The following PITPNC1 variants were observed in gnomAD, a reference collection of about 807,000 sequenced individuals.
PITPNC1 encodes phosphatidylinositol transfer protein cytoplasmic 1.
In PITPNC1, 18 loss-of-function variants were observed where a neutral mutation model predicts 44.7. That is an observed-to-expected ratio of 0.40 (90% CI 0.28 to 0.60). PITPNC1 has a LOEUF of 0.60. Among genes scored for constraint, PITPNC1 ranks in the 20% least tolerant of loss-of-function variants. The probability of loss-of-function intolerance (pLI) is 0.39; values close to 1 mark genes in which losing one functional copy is unlikely to be tolerated. For missense variants in PITPNC1, 290 were observed against 418.4 expected, an observed-to-expected ratio of 0.69 and a Z score of 2.68; for synonymous variants, 141 against 149.6, an observed-to-expected ratio of 0.94 and a Z score of 0.42.
At chr17:67,605,204 A>G (rs2041593423) in intron 5 of PITPNC1, among the ~76,000 whole-genome samples, 1 of 152,188 alleles carries the variant, frequency 6.6e-6, no homozygotes, top group Admixed American at 6.5e-5. Context: ...ATGTCTGAAT[A>G]ATTTATTTTT....
At chr17:67,400,394 A>G in intron 1 of PITPNC1, among the ~76,000 whole-genome samples, 1 of 152,254 alleles carries the variant, frequency 6.6e-6, no homozygotes, top group East Asian at 1.9e-4. Context: ...ATAGGCCAAA[A>G]TAACAGCCTA....
intron 1 of PITPNC1, among the ~76,000 whole-genome samples, chr17:67,383,725 T>A (rs1366694651): frequency 6.6e-6 from 1 of 152,200 alleles, no homozygotes; most frequent in South Asian, 2.1e-4. Flanking sequence ...ATCCTTTTGT[T>A]TTCATTGCTT....
intron 1 of PITPNC1, among the ~76,000 whole-genome samples, chr17:67,497,751 C>T (rs1277856172): frequency 1.3e-5 from 2 of 151,968 alleles, no homozygotes; most frequent in African/African-American, 2.4e-5. Context: ...TGGTCTTGAA[C>T]TCCTGCACTC....
intron 1 of PITPNC1, among the ~76,000 whole-genome samples, chr17:67,437,275 C>T (rs575476985): frequency 6.6e-6 from 1 of 151,998 alleles, no homozygotes; most frequent in South Asian, 2.1e-4. Flanking sequence ...GAAATAATCC[C>T]GAAATTAGAG....
intron 8 of PITPNC1, among the ~76,000 whole-genome samples, chr17:67,679,243 C>T (rs1361238655): frequency 6.6e-6 from 1 of 152,200 alleles, no homozygotes; most frequent in Non-Finnish European, 1.5e-5. Context: ...ATAGAGCGAG[C>T]CTTTGTCTCT....
At position 67,694,377 on chromosome 17, in the gene PITPNC1, AAC is replaced by A. The variant is rs1228844377; in HGVS notation, c.*1493_*1494del. The A allele has an allele frequency of 6.6e-6, 1 of 152,220 alleles. No individual in the cohort carries two copies. Among genetic ancestry groups the A allele is most frequent in the Admixed American group, 6.5e-5 (1 of 15,280 alleles). 9.4% of individuals were successfully genotyped at this position (152,220 alleles called of 1,614,324 possible). ...AACCTCAGGAAAGGGACCTTCCCAA[AAC>A]ACAGATCCCAAAGGAAACAAAATAG... is the stretch of plus-strand genomic sequence containing the variant. On this transcript the variant is annotated 3_prime_UTR_variant, in exon 9 of 9. Transcript: ENST00000581322.
intron 5 of PITPNC1, among the ~76,000 whole-genome samples, chr17:67,594,687 C>T (rs1035596228): frequency 6.6e-6 from 1 of 152,146 alleles, no homozygotes; most frequent in Admixed American, 6.5e-5. Context: ...TGCTGTTGTT[C>T]CCAGTTAATC....
At chr17:67,674,082 T>G (rs1279058025) in intron 7 of PITPNC1, among the ~76,000 whole-genome samples, 1 of 152,174 alleles carries the variant, frequency 6.6e-6, no homozygotes, top group Non-Finnish European at 1.5e-5. Context: ...CATGAGATGT[T>G]TTCATAAGGC....
intron 6 of PITPNC1, among the ~76,000 whole-genome samples, chr17:67,657,531 C>A (rs756269630): frequency 6.6e-6 from 1 of 150,556 alleles, no homozygotes; most frequent in African/African-American, 2.5e-5. Context: ...TAGTCCCAGC[C>A]CTATTGCCGA....
In PITPNC1 at chr17:67,400,242, T is replaced by C. The variant is rs113924217; in HGVS notation, c.48+22040T>C. ...TTTGCCCAGTGGGAATGTTGTGTCA[T>C]AGTCATAAAGGCTTAAGGATTAGTT... On this transcript the variant is annotated intron_variant, in intron 1 of 8. Coordinates refer to ENST00000581322, the MANE Select transcript of PITPNC1 (RefSeq NM_012417.4). Among the ~76,000 whole-genome samples the C allele has an allele frequency of 5.9e-5, 9 of 152,330 alleles. 2 individuals carry two copies. Among genetic ancestry groups the C allele is most frequent in the African/African-American group, 2.2e-4 (9 of 41,578 alleles).
chr17:67,564,270 C>T (rs1178680918), intron 4 of PITPNC1, among the ~76,000 whole-genome samples: 1 of 152,074 alleles, frequency 6.6e-6, no homozygotes, highest in East Asian at 1.9e-4. Flanking sequence ...CAACAGCCCA[C>T]CTGCAAGTTG....
chr17:67,631,644 A>AAT (rs2041970839), intron 5 of PITPNC1, among the ~76,000 whole-genome samples: 1 of 28,504 alleles, frequency 3.5e-5, no homozygotes, highest in Non-Finnish European at 7.3e-5. Context: ...CCAAAAAAAA[A>AAT]AAAAAAAAAA....
Position 67,643,256 on chromosome 17 carries a change from C to T in PITPNC1, c.462+11018C>T, listed in dbSNP as rs112935496. Among the ~76,000 whole-genome samples the T allele has an allele frequency of 1.1e-3, 174 of 152,256 alleles. 1 individual carries two copies. Among genetic ancestry groups the T allele is most frequent in the African/African-American group, 4.1e-3 (170 of 41,538 alleles). On this transcript the variant is annotated intron_variant, in intron 6 of 8. Transcript: ENST00000581322. ...CGAAAATTAGCTGGGCATGGCGGCA[C>T]GCACCTGTAGTCCTAGGTACTAGGG...
intron 4 of PITPNC1, among the ~76,000 whole-genome samples, chr17:67,557,402 A>G (rs1287252903): frequency 6.6e-6 from 1 of 152,182 alleles, no homozygotes; most frequent in Non-Finnish European, 1.5e-5. Flanking sequence ...CCAGTGGGCA[A>G]GTGATGGAGG....
intron 5 of PITPNC1, among the ~76,000 whole-genome samples, chr17:67,623,067 C>A (rs535786088): frequency 1.5e-5 from 2 of 131,190 alleles, no homozygotes; most frequent in South Asian, 2.5e-4. Context: ...ACTTTGTTGG[C>A]GTGTCTTCCT....
intron 1 of PITPNC1, among the ~76,000 whole-genome samples, chr17:67,491,367 CT>C (rs2039862842): frequency 6.6e-6 from 1 of 152,334 alleles, no homozygotes; most frequent in Admixed American, 6.5e-5. Flanking sequence ...TTAAGAAATG[CT>C]TTCTGGGTCA....
chr17:67,599,028 ATATATATTTTTTT>A (rs1485896607), intron 5 of PITPNC1, among the ~76,000 whole-genome samples: 14 of 32,622 alleles, frequency 4.3e-4, no homozygotes, highest in Admixed American at 1.4e-3. Context: ...ATATATATAT[ATATATATTTTTTT>A]TTTTTTTTTT....
chr17:67,475,622 G>A lies in PITPNC1; in HGVS notation c.49-57180G>A, dbSNP rs570364080. Reference sequence around the variant, plus strand: ...TGGCAGAACTGATGCCCTTTGCTGCGAGGGAGCTTTGTTTATTGCACAGAA... The same window carrying A: ...TGGCAGAACTGATGCCCTTTGCTGCAAGGGAGCTTTGTTTATTGCACAGAA... On this transcript the variant is annotated intron_variant, in intron 1 of 8. Transcript: ENST00000581322. Among the ~76,000 whole-genome samples, 5 of 152,278 alleles carry A rather than the reference G, an allele frequency of 3.3e-5. No homozygotes were observed. The South Asian group carries it at 8.3e-4, about 25-fold the overall frequency.
At chr17:67,408,705 C>CTTTCTTTCTTTCTTT (rs1567978372) in intron 1 of PITPNC1, 1 of 139,530 alleles carries the variant, frequency 7.2e-6, no homozygotes, top group African/African-American at 2.7e-5. Flanking sequence ...TTCCTTCCTT[C>CTTTCTTTCTTTCTTT]CTTCCTTCCT....
Sources: gnomAD v4.1 joint callset for allele counts (sites outside exome capture counted in the v4.1 genomes callset) on GRCh38, gnomAD v4.1.1 for gene constraint, MANE v1.5 for transcripts, NCBI Gene and HGNC (gene_info 2026-07-23, HGNC 2026-07-21) for gene names.